TTC9: variants seen among roughly 807,000 people sequenced by gnomAD.
The protein encoded by TTC9 is tetratricopeptide repeat protein 9A.
In TTC9, 13 loss-of-function variants were observed where a neutral mutation model predicts 22.9. The ratio of observed to expected loss-of-function variants is 0.57; its 90% CI spans 0.37 to 0.90. The LOEUF (loss-of-function observed/expected upper bound fraction) is 0.90, where lower values mean the gene tolerates loss of function less well. Among genes scored for constraint, TTC9 ranks in the 40% least tolerant of loss-of-function variants. TTC9 has a pLI of 0.01. For synonymous variants in TTC9, 148 were observed against 133.2 expected (o/e 1.11, Z -0.77); for missense variants, 280 against 291.8 (o/e 0.96, Z 0.29).
intron 1 of TTC9, among the ~76,000 whole-genome samples, chr14:70,654,251 C>T (rs1039919175): frequency 6.6e-6 from 1 of 152,066 alleles, no homozygotes; most frequent in Non-Finnish European, 1.5e-5. Context: ...CCCCTCATCC[C>T]CCAGCTCTCT....
At chr14:70,666,062 C>T (rs1243775505) in intron 1 of TTC9, among the ~76,000 whole-genome samples, 1 of 151,972 alleles carries the variant, frequency 6.6e-6, no homozygotes, top group Non-Finnish European at 1.5e-5. Context: ...ACATACTTTG[C>T]CGTTGGTCAA....
intron 2 of TTC9, among the ~76,000 whole-genome samples, chr14:70,668,131 A>G (rs1020967213): frequency 6.6e-6 from 1 of 152,230 alleles, no homozygotes; most frequent in African/African-American, 2.4e-5. Context: ...CATCTGGTTG[A>G]TGACACAGAA....
chr14:70,662,782 C>T (rs1205236), intron 1 of TTC9, among the ~76,000 whole-genome samples: 66,895 of 152,136 alleles, frequency 0.44, 15,582 homozygotes, highest in African/African-American at 0.59. Context: ...CTTTAAAATA[C>T]CGATGCATGC....
intron 1 of TTC9, among the ~76,000 whole-genome samples, chr14:70,660,436 C>T (rs1331084152): frequency 6.6e-6 from 1 of 152,248 alleles, no homozygotes; most frequent in Non-Finnish European, 1.5e-5. Flanking sequence ...TTCATGTACA[C>T]ATTGCTGGGC....
chr14:70,664,677 C>T (rs551894095), intron 1 of TTC9, among the ~76,000 whole-genome samples: 11 of 151,354 alleles, frequency 7.3e-5, no homozygotes, highest in East Asian at 1.9e-4. Flanking sequence ...TGCAGTGAGC[C>T]GAGATCGCAC....
intron 2 of TTC9, among the ~76,000 whole-genome samples, chr14:70,668,004 GCT>G (rs1026573077): frequency 1.3e-5 from 2 of 151,978 alleles, no homozygotes; most frequent in African/African-American, 2.4e-5. Context: ...TCAGAATCCA[GCT>G]CTCTTCACTT....
At chr14:70,656,247 A>G (rs1400924077) in intron 1 of TTC9, among the ~76,000 whole-genome samples, 1 of 137,540 alleles carries the variant, frequency 7.3e-6, no homozygotes, top group Non-Finnish European at 1.5e-5. Context: ...ACACACACAC[A>G]TTTATTTTTC....
intron 1 of TTC9, among the ~76,000 whole-genome samples, chr14:70,643,605 G>T (rs1345034817): frequency 6.6e-6 from 1 of 152,216 alleles, no homozygotes; most frequent in Non-Finnish European, 1.5e-5. Context: ...GTTAGAGCAG[G>T]GTAGGGGTGG....
At chr14:70,642,637 C>G (rs1033902000) in intron 1 of TTC9, 102 bp downstream of exon 1, 8 of 1,154,756 alleles carry the variant, frequency 6.9e-6, no homozygotes, top group Non-Finnish European at 9.5e-6. Flanking sequence ...CCTGCTGTGA[C>G]TGTGTTGCTC....
At chr14:70,663,277 G>T (rs1005405482) in intron 1 of TTC9, among the ~76,000 whole-genome samples, 5 of 152,116 alleles carry the variant, frequency 3.3e-5, no homozygotes, top group Non-Finnish European at 5.9e-5. Flanking sequence ...TCTTGGCTCT[G>T]CCTTGAAAAG....
intron 1 of TTC9, among the ~76,000 whole-genome samples, chr14:70,656,540 G>A (rs1886070051): frequency 6.6e-6 from 1 of 152,168 alleles, no homozygotes; most frequent in Admixed American, 6.5e-5. Flanking sequence ...GGACATGAGG[G>A]AAAGATGGTG....
intron 1 of TTC9, among the ~76,000 whole-genome samples, chr14:70,652,955 G>T (rs11626181): frequency 1.7e-4 from 26 of 152,144 alleles, no homozygotes; most frequent in Non-Finnish European, 3.4e-4. Flanking sequence ...AAACCTGAGG[G>T]GTAATGTGGC....
In TTC9 at chr14:70,667,669, G is replaced by C; in HGVS notation, c.512G>C (p.Gly171Ala). 1 of 1,613,980 alleles carries C rather than the reference G, an allele frequency of 6.2e-7. No individual in the cohort carries two copies. Among genetic ancestry groups the C allele is most frequent in the Non-Finnish European group, 8.5e-7 (1 of 1,179,880 alleles). ...GENFKALYRS[G>A]VAFYHLGDYD... ...AACTTCAAGGCCCTTTACCGGTCTG[G>C]TGTGGCCTTCTACCACCTTGGGGAC... Residue 171 changes from glycine (G) to alanine (A), a missense_variant, in exon 2 of 3, where the codon GGT (glycine) becomes GCT (alanine). Physicochemically the swap from Gly to Ala is moderately conservative, Grantham distance 60. Around this residue, in one of 5 missense-constraint regions of TTC9, gnomAD observed 39 missense variants for 67.4 expected, o/e 0.58. Coordinates refer to ENST00000256367, the MANE Select transcript of TTC9 (RefSeq NM_015351.2).
At chr14:70,652,690 T>C (rs1886002914) in intron 1 of TTC9, among the ~76,000 whole-genome samples, 1 of 152,242 alleles carries the variant, frequency 6.6e-6, no homozygotes, top group Non-Finnish European at 1.5e-5. Context: ...GGCTCAAGGC[T>C]GGAAAGCCCT....
In TTC9 at chr14:70,672,717, A is replaced by G. The variant is rs926635024; in HGVS notation, c.*1562A>G. On this transcript the variant is annotated 3_prime_UTR_variant, in exon 3 of 3. Coordinates refer to ENST00000256367, the MANE Select transcript of TTC9 (RefSeq NM_015351.2). ...AAATGCATTATCTTCAGATCTTTAC[A>G]TGTATAATCTCATTTCTTTCATGCA... The G allele has an allele frequency of 6.6e-6, 1 of 152,234 alleles. No individual in the cohort carries two copies. Among genetic ancestry groups the G allele is most frequent in the African/African-American group, 2.4e-5 (1 of 41,458 alleles). The allele number at this position is 152,234 out of a possible 1,614,324, so 9.4% of individuals were successfully genotyped here. A position where few individuals can be genotyped will look rare whatever the true frequency, so the allele number is the denominator to read the frequency against.
rs1886304749 is a variant in TTC9 at position 70,672,023 on chromosome 14, GGTA to G, written c.*874_*876del. On this transcript the variant is annotated 3_prime_UTR_variant, in exon 3 of 3. Transcript: ENST00000256367. ...CAGTGTAAATAAAAACAAATTAACA[GGTA>G]GTAGTTCCTGTCAGTTCTGTTGGAA... 6.6e-6 allele frequency: 1 copy of G among 152,228 alleles called. No individual in the cohort carries two copies. 9.4% of individuals were successfully genotyped at this position (152,228 alleles called of 1,614,324 possible). A position where few individuals can be genotyped will look rare whatever the true frequency, so the allele number is the denominator to read the frequency against.
intron 1 of TTC9, among the ~76,000 whole-genome samples, chr14:70,648,078 C>A (rs960792897): frequency 6.6e-6 from 1 of 152,124 alleles, no homozygotes; most frequent in African/African-American, 2.4e-5. Context: ...ACCTTGCAAT[C>A]AGAGGATGAA....
chr14:70,660,004 T>C (rs1886122281), intron 1 of TTC9, among the ~76,000 whole-genome samples: 1 of 152,222 alleles, frequency 6.6e-6, no homozygotes, highest in Non-Finnish European at 1.5e-5. Flanking sequence ...CTCAGAGCAG[T>C]GCCTGGCCCA....
chr14:70,647,569 G>A (rs1885920652), intron 1 of TTC9, among the ~76,000 whole-genome samples: 2 of 152,160 alleles, frequency 1.3e-5, no homozygotes. Context: ...GGGACTGGCA[G>A]CATATTCATT....
Sources: gnomAD v4.1 joint callset for allele counts (sites outside exome capture counted in the v4.1 genomes callset) on GRCh38, gnomAD v4.1.1 for gene constraint, gnomAD v4.1.1 regional missense constraint, MANE v1.5 for transcripts, NCBI Gene and HGNC (gene_info 2026-07-23, HGNC 2026-07-21) for gene names.